ST13: variants seen among roughly 807,000 people sequenced by gnomAD.
ST13 encodes the protein hsc70-interacting protein.
Under a neutral mutation model 56.7 loss-of-function variants are expected in ST13, and 23 were observed. The ratio of observed to expected loss-of-function variants is 0.41; its 90% CI spans 0.29 to 0.57. The LOEUF (loss-of-function observed/expected upper bound fraction) is 0.57. Ranked by LOEUF, ST13 falls within the 20% of genes least tolerant of loss-of-function variation. The pLI is 0.36. For synonymous variants in ST13, 132 were observed against 142.4 expected, an observed-to-expected ratio of 0.93 and a Z score of 0.52; for missense variants, 369 against 459.9, an observed-to-expected ratio of 0.80 and a Z score of 1.81.
chr22:40,835,205 A>C (rs2057771519), intron 7 of ST13, among the ~76,000 whole-genome samples: 2 of 152,238 alleles, frequency 1.3e-5, no homozygotes, highest in Non-Finnish European at 1.5e-5. Flanking sequence ...TTGTAAGGAC[A>C]CTGATAAAAG....
rs1174303754 is a variant in ST13 at position 40,830,778 on chromosome 22, T to C, written c.798+62A>G. The C allele has an allele frequency of 5.9e-6, 6 of 1,016,274 alleles. No individual in the cohort carries two copies. The African/African-American group carries it at 8.0e-5, about 14-fold the overall frequency. 63.0% of individuals were successfully genotyped at this position (1,016,274 alleles called of 1,614,324 possible). A position where few individuals can be genotyped will look rare whatever the true frequency, so the allele number is the denominator to read the frequency against. ...AGAGCCAGGAATTAAAATTTTAGTG[T>C]CCTAATGCCTCTACATAATTTGCCG... On this transcript the variant is annotated intron_variant, in intron 9 of 11. Transcript: ENST00000216218.
At chr22:40,852,423 C>A (rs1169226907) in intron 1 of ST13, among the ~76,000 whole-genome samples, 1 of 152,152 alleles carries the variant, frequency 6.6e-6, no homozygotes, top group African/African-American at 2.4e-5. Flanking sequence ...GCATATGAAC[C>A]CTTTGTCAGC....
intron 4 of ST13, among the ~76,000 whole-genome samples, chr22:40,842,541 T>C (rs556475276): frequency 5.3e-5 from 8 of 152,204 alleles, no homozygotes; most frequent in East Asian, 3.9e-4. Flanking sequence ...AGACAAAGCA[T>C]AGACTGCTTT....
intron 1 of ST13, among the ~76,000 whole-genome samples, chr22:40,855,862 A>C (rs1472228794): frequency 1.4e-5 from 2 of 145,776 alleles, no homozygotes; most frequent in African/African-American, 5.6e-5. Context: ...GTTTGGAGTG[A>C]TAACACTGCC....
intron 9 of ST13, among the ~76,000 whole-genome samples, chr22:40,830,022 T>C (rs1364852407): frequency 6.6e-6 from 1 of 152,226 alleles, no homozygotes; most frequent in Non-Finnish European, 1.5e-5. Flanking sequence ...TGACTTTTGT[T>C]TCCTAGGTAC....
intron 4 of ST13, among the ~76,000 whole-genome samples, chr22:40,843,879 A>G (rs2057817026): frequency 7.4e-6 from 1 of 135,812 alleles, no homozygotes; most frequent in Non-Finnish European, 1.5e-5. Flanking sequence ...GAATCAGGAA[A>G]ATGCATTTTT....
At chr22:40,848,086 A>G (rs1365409290) in intron 3 of ST13, among the ~76,000 whole-genome samples, 1 of 151,938 alleles carries the variant, frequency 6.6e-6, no homozygotes, top group Non-Finnish European at 1.5e-5. Context: ...TTGATTACAC[A>G]TGTCAATATT....
At chr22:40,831,648 G>C (rs2145733656) in intron 8 of ST13, among the ~76,000 whole-genome samples, 1 of 152,164 alleles carries the variant, frequency 6.6e-6, no homozygotes, top group African/African-American at 2.4e-5. Context: ...TGAACTCTCT[G>C]GCAGTAAATA....
chr22:40,837,601 G>T (rs1051796508), intron 5 of ST13, among the ~76,000 whole-genome samples: 3 of 152,120 alleles, frequency 2.0e-5, no homozygotes, highest in Non-Finnish European at 4.4e-5. Context: ...AGCCAAGATC[G>T]TGCCATTGCA....
intron 2 of ST13, among the ~76,000 whole-genome samples, chr22:40,849,930 T>C (rs1004128668): frequency 2.0e-5 from 3 of 149,830 alleles, no homozygotes; most frequent in Non-Finnish European, 3.0e-5. Flanking sequence ...AAAAAAGCCT[T>C]TTAGATATGA....
chr22:40,841,748 A>G (rs1274122281), intron 4 of ST13, among the ~76,000 whole-genome samples: 2 of 139,362 alleles, frequency 1.4e-5, no homozygotes, highest in Admixed American at 7.7e-5. Flanking sequence ...CTCGCAACCT[A>G]CTAAATGTTT....
intron 1 of ST13, among the ~76,000 whole-genome samples, chr22:40,851,896 G>A (rs2057863275): frequency 6.6e-6 from 1 of 151,996 alleles, no homozygotes; most frequent in Non-Finnish European, 1.5e-5. Context: ...CAGGGTGCAT[G>A]CCATCACACC....
intron 10 of ST13, among the ~76,000 whole-genome samples, chr22:40,829,243 T>C (rs1338373560): frequency 2.0e-5 from 3 of 152,176 alleles, no homozygotes; most frequent in Non-Finnish European, 4.4e-5. Context: ...TGGAGACAGT[T>C]GTTTAAAAAA....
intron 10 of ST13, 56 bp from the exon 11 acceptor site, chr22:40,827,285 T>C (rs2057733521): frequency 6.9e-6 from 11 of 1,584,296 alleles, no homozygotes; most frequent in African/African-American, 2.7e-5. Context: ...TGACACAGTA[T>C]TTCATCCACA....
At chr22:40,835,532 C>G in intron 7 of ST13, 28 bp downstream of exon 7, 1 of 1,559,024 alleles carries the variant, frequency 6.4e-7, no homozygotes, top group East Asian at 2.2e-5. Context: ...GTAAAGAGTT[C>G]TGAAAATAAT....
chr22:40,830,082 T>C (rs998055926), intron 9 of ST13, among the ~76,000 whole-genome samples: 1 of 152,240 alleles, frequency 6.6e-6, no homozygotes, highest in East Asian at 1.9e-4. Context: ...TTTATTGATT[T>C]GTTTTTGCTG....
intron 4 of ST13, among the ~76,000 whole-genome samples, chr22:40,841,775 T>G (rs1219453121): frequency 1.3e-5 from 2 of 148,610 alleles, no homozygotes; most frequent in African/African-American, 5.0e-5. Context: ...TTTTTTTTTA[T>G]AGAGACGGGT....
At chr22:40,843,520 T>G (rs1445835573) in intron 4 of ST13, among the ~76,000 whole-genome samples, 1 of 152,194 alleles carries the variant, frequency 6.6e-6, no homozygotes, top group Non-Finnish European at 1.5e-5. Context: ...CAGTGTATTT[T>G]AGTTTTGGTG....
rs1442793122 is a variant in ST13, at chr22:40,844,888, A to G, written c.266T>C (p.Ile89Thr). The stretch of plus-strand genomic sequence containing the variant: ...TTGAGGAGCATCAGTGTCTGGTTCA[A>G]TCACACCTTCTTTATCAATTTCTGC... ...SDLEIDKEGVIEPDTDAPQEM... is the reference protein window; with the variant it reads ...SDLEIDKEGVTEPDTDAPQEM... The change falls in exon 4 of 12, where the codon ATT becomes ACT. Residue 89 changes from isoleucine to threonine, a missense_variant. Ile to Thr is a moderately conservative substitution (Grantham distance 89, BLOSUM62 -1). Transcript: ENST00000216218. The G allele has an allele frequency of 6.2e-7, 1 of 1,613,438 alleles. No individual in the cohort carries two copies. Among genetic ancestry groups the G allele is most frequent in the African/African-American group, 1.3e-5 (1 of 74,910 alleles).
Sources: gnomAD v4.1 joint callset for allele counts (sites outside exome capture counted in the v4.1 genomes callset) on GRCh38, gnomAD v4.1.1 for gene constraint, MANE v1.5 for transcripts, NCBI Gene and HGNC (gene_info 2026-07-23, HGNC 2026-07-21) for gene names.